SPAG16: variants seen among roughly 807,000 people sequenced by gnomAD.
The protein encoded by SPAG16 is sperm-associated antigen 16 protein.
Under a neutral mutation model 80.4 loss-of-function variants are expected in SPAG16, and 86 were observed. That is an observed-to-expected ratio of 1.07 (90% confidence interval 0.90 to 1.28). The LOEUF (loss-of-function observed/expected upper bound fraction) is 1.28. SPAG16 is among the 50% of genes most tolerant of loss of function. The pLI, the probability that SPAG16 is intolerant of heterozygous loss-of-function variation, is 0.00. For synonymous variants in SPAG16, 294 were observed against 265.9 expected, an observed-to-expected ratio of 1.11 and a Z score of -1.03; for missense variants, 870 against 765.3, an observed-to-expected ratio of 1.14 and a Z score of -1.61.
chr2:213,976,224 A>G (rs2045389818), intron 12 of SPAG16, among the ~76,000 whole-genome samples: 1 of 150,836 alleles, frequency 6.6e-6, no homozygotes, highest in Non-Finnish European at 1.5e-5. Flanking sequence ...GTACGCATAT[A>G]CATATATACA....
At chr2:213,463,126 T>C (rs763794739) in intron 9 of SPAG16, among the ~76,000 whole-genome samples, 1 of 152,236 alleles carries the variant, frequency 6.6e-6, no homozygotes, top group Non-Finnish European at 1.5e-5. Flanking sequence ...GCAAAGAGAC[T>C]GGCAGTGTTT....
intron 1 of SPAG16, among the ~76,000 whole-genome samples, chr2:213,294,227 C>T (rs1363688264): frequency 1.3e-5 from 2 of 152,148 alleles, no homozygotes; most frequent in African/African-American, 4.8e-5. Context: ...CCTTCAGGTT[C>T]AGTATCTGGA....
intron 15 of SPAG16, among the ~76,000 whole-genome samples, chr2:214,232,607 T>C (rs887376505): frequency 1.3e-5 from 2 of 152,140 alleles, no homozygotes; most frequent in East Asian, 1.9e-4. Flanking sequence ...TCAGATTGTA[T>C]TGGATTTACT....
At chr2:213,967,337 T>C (rs983615872) in intron 12 of SPAG16, among the ~76,000 whole-genome samples, 42 of 152,290 alleles carry the variant, frequency 2.8e-4, no homozygotes, top group Admixed American at 1.1e-3. Flanking sequence ...CATTAGAGAA[T>C]TGGTTTTCTA....
chr2:213,297,847 C>A (rs1459612039), intron 3 of SPAG16, among the ~76,000 whole-genome samples: 1 of 152,068 alleles, frequency 6.6e-6, no homozygotes, highest in African/African-American at 2.4e-5. Context: ...GTGCATAAAA[C>A]TGATGGCATT....
At chr2:214,307,004 C>T (rs1246542269) in intron 15 of SPAG16, among the ~76,000 whole-genome samples, 4 of 151,934 alleles carry the variant, frequency 2.6e-5, no homozygotes, top group Non-Finnish European at 2.9e-5. Context: ...GGTGTGAATC[C>T]GTCTAGTTCT....
chr2:213,900,369 C>T (rs1033067), intron 11 of SPAG16, among the ~76,000 whole-genome samples: 88,873 of 151,838 alleles, frequency 0.59, 27,811 homozygotes, highest in South Asian at 0.84. Context: ...TATCTCGGAA[C>T]GACTGTGATT....
intron 5 of SPAG16, among the ~76,000 whole-genome samples, chr2:213,337,899 C>G (rs2064458543): frequency 6.6e-6 from 1 of 151,982 alleles, no homozygotes; most frequent in Admixed American, 6.6e-5. Context: ...ATGAGAAGAT[C>G]AAGCAAAAGA....
intron 13 of SPAG16, among the ~76,000 whole-genome samples, chr2:214,077,106 T>C (rs1031052275): frequency 6.6e-5 from 10 of 152,150 alleles, no homozygotes; most frequent in African/African-American, 2.4e-4. Flanking sequence ...AATCTGATGA[T>C]ACAGATGTCA....
At chr2:213,909,583 A>G (rs909126195) in intron 11 of SPAG16, among the ~76,000 whole-genome samples, 4 of 152,016 alleles carry the variant, frequency 2.6e-5, no homozygotes, top group Non-Finnish European at 2.9e-5. Flanking sequence ...CATATCTACA[A>G]CTATCTGATC....
intron 10 of SPAG16, among the ~76,000 whole-genome samples, chr2:213,670,663 T>C (rs1487973694): frequency 6.6e-6 from 1 of 150,776 alleles, no homozygotes; most frequent in Non-Finnish European, 1.5e-5. Context: ...ACATTAATTT[T>C]CCAGAGCTCT....
At chr2:213,318,502 G>A (rs1368016154) in intron 5 of SPAG16, among the ~76,000 whole-genome samples, 1 of 151,930 alleles carries the variant, frequency 6.6e-6, no homozygotes, top group Admixed American at 6.6e-5. Context: ...GACTTTAAAA[G>A]GTGGGAGAGT....
At chr2:213,874,405 A>T (rs2372300) in intron 11 of SPAG16, among the ~76,000 whole-genome samples, 1 of 151,886 alleles carries the variant, frequency 6.6e-6, no homozygotes, top group South Asian at 2.1e-4. Flanking sequence ...ATTTTTCTCT[A>T]TTTTTTATTT....
At chr2:214,286,908 C>T (rs1305998441) in intron 15 of SPAG16, among the ~76,000 whole-genome samples, 3 of 152,132 alleles carry the variant, frequency 2.0e-5, no homozygotes, top group African/African-American at 7.2e-5. Flanking sequence ...TCATCTTCCT[C>T]GTCTCTTAAT....
intron 10 of SPAG16, among the ~76,000 whole-genome samples, chr2:213,797,506 A>G (rs2071119634): frequency 6.6e-6 from 1 of 152,188 alleles, no homozygotes; most frequent in African/African-American, 2.4e-5. Context: ...TATAGTATAC[A>G]AGACAATAAC....
chr2:214,130,642 C>T (rs926477552), intron 14 of SPAG16, among the ~76,000 whole-genome samples: 7 of 152,120 alleles, frequency 4.6e-5, no homozygotes, highest in African/African-American at 7.2e-5. Context: ...CAGTATGTTA[C>T]TATGTAAATA....
At chr2:214,050,410 C>T (rs2049579906) in intron 13 of SPAG16, among the ~76,000 whole-genome samples, 1 of 152,066 alleles carries the variant, frequency 6.6e-6, no homozygotes. Context: ...TCATCTGGCC[C>T]TTTCTGTATC....
At chr2:213,766,198 G>A (rs1249512065) in intron 10 of SPAG16, among the ~76,000 whole-genome samples, 1 of 152,128 alleles carries the variant, frequency 6.6e-6, no homozygotes, top group East Asian at 1.9e-4. Flanking sequence ...ACCAGAAAGT[G>A]CATAGAAATA....
Position 214,364,764 on chromosome 2 carries a change from A to C in SPAG16, c.1721-45376A>C, listed in dbSNP as rs188026255. The stretch of plus-strand genomic sequence containing the variant: ...ACTTTGGAGGAAGAATTCATGGCAA[A>C]TAAGGGTGGGGTGGTAGATCAGAGA... On this transcript the variant is annotated intron_variant, in intron 15 of 15. Transcript: ENST00000331683. 2.0e-3 allele frequency among the ~76,000 whole-genome samples: 307 copies of C among 152,290 alleles called. 7 individuals carry two copies. Among genetic ancestry groups the C allele is most frequent in the East Asian group, 1.2e-3 (6 of 5,174 alleles).
Sources: gnomAD v4.1 joint callset for allele counts (sites outside exome capture counted in the v4.1 genomes callset) on GRCh38, gnomAD v4.1.1 for gene constraint, MANE v1.5 for transcripts, NCBI Gene and HGNC (gene_info 2026-07-23, HGNC 2026-07-21) for gene names.